The following CECR2 variants were observed in gnomAD, a reference collection of about 807,000 sequenced individuals.
CECR2 encodes CECR2 histone acetyl-lysine reader.
Under a neutral mutation model 154.5 loss-of-function variants are expected in CECR2, and 30 were observed. That is an observed-to-expected ratio of 0.19 (90% confidence interval 0.15 to 0.26). CECR2 has a LOEUF of 0.26. CECR2 is among the 10% of genes least tolerant of loss of function. The pLI is 1.00. For synonymous variants in CECR2, 725 were observed against 683.7 expected, an observed-to-expected ratio of 1.06 and a Z score of -0.94; for missense variants, 1,743 against 1,829.3, an observed-to-expected ratio of 0.95 and a Z score of 0.86.
At position 17,542,302 on chromosome 22, in the gene CECR2, A is replaced by T. The variant is rs1349857911; in HGVS notation, c.2159A>T (p.Asp720Val). 9.9e-6 allele frequency: 16 copies of T among 1,612,328 alleles called. No individual in the cohort carries two copies. In the South Asian group the frequency reaches 1.7e-4, roughly 17 times the overall value. The stretch of plus-strand genomic sequence containing the variant: ...GGGCAGATAAGTGGCCCAAGTCAGG[A>T]TGGAAGCATGTATGCTCCAGCTCAG... ...QLGQISGPSQ[D>V]GSMYAPAQFQ... Residue 720 changes from aspartate (D) to valine (V), a missense_variant, in exon 16 of 19, where the codon GAT becomes GTT. By Grantham distance (152) the Asp-to-Val change is radical. Coordinates refer to ENST00000262608, the MANE Select transcript of CECR2 (RefSeq NM_001290047.2).
rs695634 is a variant in CECR2, at chr22:17,532,700, C to CTTTTT, written c.1109-4372_1109-4368dup. Among the ~76,000 whole-genome samples the CTTTTT allele has an allele frequency of 4.6e-3, 165 of 35,804 alleles. 32 individuals are homozygous for CTTTTT. Among genetic ancestry groups the CTTTTT allele is most frequent in the East Asian group, 0.011 (10 of 924 alleles). The allele number at this position is 35,804 out of a possible 152,430, so 23.5% of individuals were successfully genotyped here. A position where few individuals can be genotyped will look rare whatever the true frequency, so the allele number is the denominator to read the frequency against. ...CCAAGTAGGTATATTCATTATTATT[C>CTTTTT]TTTTTTTTTTTTTTTTTTTTTTTTT... On this transcript the variant is annotated intron_variant, in intron 9 of 18. Coordinates refer to ENST00000262608, the MANE Select transcript of CECR2 (RefSeq NM_001290047.2).
chr22:17,540,351 A>G lies in CECR2; in HGVS notation c.1496-61A>G, dbSNP rs929194379. ...TGTTTCTATAGTTTCTATAAACTAT[A>G]GTTTCTATAAACAATTTCTGTAAAC... is the stretch of plus-strand genomic sequence containing the variant. On this transcript the variant is annotated intron_variant, in intron 13 of 18. Transcript: ENST00000262608. The G allele has an allele frequency of 7.9e-6, 11 of 1,385,546 alleles. No individual in the cohort carries two copies. The Admixed American group carries it at 9.0e-5, about 11-fold the overall frequency. 85.8% of individuals were successfully genotyped at this position (1,385,546 alleles called of 1,614,324 possible). A position where few individuals can be genotyped will look rare whatever the true frequency, so the allele number is the denominator to read the frequency against.
chr22:17,531,650 C>T (rs1220595115), intron 9 of CECR2, among the ~76,000 whole-genome samples: 1 of 152,142 alleles, frequency 6.6e-6, no homozygotes, highest in African/African-American at 2.4e-5. Context: ...AGAGAATGTT[C>T]AGAAACAATG....
At chr22:17,373,751 T>G (rs2146445837) in intron 1 of CECR2, among the ~76,000 whole-genome samples, 1 of 152,356 alleles carries the variant, frequency 6.6e-6, no homozygotes. Context: ...GCCCCTACTT[T>G]GTGCTTAACA....
At chr22:17,525,266 C>A (rs13056605) in intron 9 of CECR2, among the ~76,000 whole-genome samples, 19,470 of 80,214 alleles carry the variant, frequency 0.24, 2,171 homozygotes, top group Admixed American at 0.38. Context: ...GCCTGGGCAA[C>A]AAGAGTGAAA....
In CECR2 at chr22:17,548,628, G is replaced by A; in HGVS notation, c.3341G>A (p.Ser1114Asn). 2.5e-6 allele frequency: 4 copies of A among 1,613,164 alleles called. No individual in the cohort carries two copies. The highest frequency in any genetic ancestry group is 8.5e-7 in the Non-Finnish European group (1 of 1,179,580). Residue 1114 changes from serine to asparagine, a missense_variant, in exon 17 of 19, where the codon AGC becomes AAC. This residue lies in a region of CECR2 where 1,250 missense variants were observed against 1,192.1 expected (regional missense o/e 1.05). Transcript: ENST00000262608. ...CCCGGTTTGACGGGAGGCACTGTGA[G>A]CCAGTTTCCCCCGCTGTATATGCCT... The part of the protein sequence containing the change: ...TDPGLTGGTV[S>N]QFPPLYMPGL...
chr22:17,382,173 A>G (rs932451963), intron 1 of CECR2, among the ~76,000 whole-genome samples: 3 of 151,716 alleles, frequency 2.0e-5, no homozygotes, highest in Non-Finnish European at 4.4e-5. Context: ...TACAGGCGTG[A>G]GCCACTGTGC....
intron 1 of CECR2, among the ~76,000 whole-genome samples, chr22:17,413,467 G>A (rs2054096538): frequency 6.6e-6 from 1 of 152,120 alleles, no homozygotes; most frequent in Admixed American, 6.6e-5. Flanking sequence ...TGCCTGGCTT[G>A]TGGACTCCAT....
rs1339788253 is a variant in CECR2, at chr22:17,539,095, C to G, written c.1471C>G (p.Arg491Gly). 6.2e-7 allele frequency: 1 copy of G among 1,613,364 alleles called. No homozygotes were observed. ...NDMKTMFRNC[R>G]KYNGESSEYT... ...CATGAAGACCATGTTCAGGAATTGT[C>G]GAAAGTATAATGGGGAAAGTAGTGG... The change falls in exon 13 of 19, where the codon CGA (arginine) becomes GGA (glycine). Residue 491 changes from arginine to glycine, a missense_variant. Physicochemically the swap from Arg to Gly is moderately radical, Grantham distance 125. Transcript: ENST00000262608.
intron 1 of CECR2, among the ~76,000 whole-genome samples, chr22:17,458,687 G>A (rs1170638968): frequency 6.6e-6 from 1 of 152,002 alleles, no homozygotes; most frequent in Non-Finnish European, 1.5e-5. Context: ...AAAACACTTA[G>A]GTACATATGG....
chr22:17,509,087 C>T (rs2055895952), intron 7 of CECR2, among the ~76,000 whole-genome samples: 1 of 152,170 alleles, frequency 6.6e-6, no homozygotes. Flanking sequence ...CCCATCTCTA[C>T]TAAAAATGCA....
rs376916936 is a variant in CECR2 at position 17,433,575 on chromosome 22, A to G, written c.127-44013A>G. Among the ~76,000 whole-genome samples, 6 of 152,090 alleles carry G rather than the reference A, an allele frequency of 3.9e-5. No homozygotes were observed. The East Asian group carries it at 5.8e-4, about 15-fold the overall frequency. ...GTCCTCCCACCTCAGCCTCCCAAGTAGGTGGGACTACAGGTGCGCACTGCC... is the reference window on the plus strand; with the variant it reads ...GTCCTCCCACCTCAGCCTCCCAAGTGGGTGGGACTACAGGTGCGCACTGCC... On this transcript the variant is annotated intron_variant, in intron 1 of 18. Coordinates refer to ENST00000262608, the MANE Select transcript of CECR2 (RefSeq NM_001290047.2).
At chr22:17,457,948 AAAT>A (rs757557421) in intron 1 of CECR2, among the ~76,000 whole-genome samples, 7 of 152,328 alleles carry the variant, frequency 4.6e-5, no homozygotes, top group Admixed American at 4.6e-4. Flanking sequence ...AACATCATTG[AAAT>A]AATAACATTA....
At chr22:17,370,796 GC>G (rs1243865369) in intron 1 of CECR2, among the ~76,000 whole-genome samples, 1 of 152,232 alleles carries the variant, frequency 6.6e-6, no homozygotes, top group African/African-American at 2.4e-5. Context: ...CCCAGCGGCA[GC>G]CCCCTTTCTC....
intron 6 of CECR2, 40 bp from the exon 7 acceptor site, chr22:17,504,807 A>G (rs778558477): frequency 2.6e-6 from 4 of 1,566,876 alleles, no homozygotes; most frequent in Non-Finnish European, 3.5e-6. Flanking sequence ...AAAGGTCCTC[A>G]TGGGATCTCC....
intron 1 of CECR2, among the ~76,000 whole-genome samples, chr22:17,446,934 C>CG (rs2054676182): frequency 7.5e-6 from 1 of 132,642 alleles, no homozygotes; most frequent in South Asian, 2.8e-4. Flanking sequence ...AACACTGGTG[C>CG]ATTTTTACAC....
chr22:17,453,573 A>G (rs2054806079), intron 1 of CECR2, among the ~76,000 whole-genome samples: 1 of 152,246 alleles, frequency 6.6e-6, no homozygotes, highest in Non-Finnish European at 1.5e-5. Context: ...TGGCCAGTAC[A>G]TGATGATCTA....
chr22:17,430,433 T>C (rs939896162), intron 1 of CECR2, among the ~76,000 whole-genome samples: 1 of 152,154 alleles, frequency 6.6e-6, no homozygotes, highest in African/African-American at 2.4e-5. Flanking sequence ...CAAGATGCTC[T>C]ATCAGCCAAT....
intron 1 of CECR2, among the ~76,000 whole-genome samples, chr22:17,381,869 T>C (rs1456766264): frequency 6.7e-6 from 1 of 150,262 alleles, no homozygotes; most frequent in Admixed American, 6.6e-5. Context: ...GTTAGCTAGG[T>C]CAGAGAGCCC....
Sources: gnomAD v4.1 joint callset for allele counts (sites outside exome capture counted in the v4.1 genomes callset) on GRCh38, gnomAD v4.1.1 for gene constraint, gnomAD v4.1.1 regional missense constraint, MANE v1.5 for transcripts, NCBI Gene and HGNC (gene_info 2026-07-23, HGNC 2026-07-21) for gene names.